TATDN1: variants seen among roughly 807,000 people sequenced by gnomAD.
The protein encoded by TATDN1 is deoxyribonuclease TATDN1.
Under a neutral mutation model 46.4 loss-of-function variants are expected in TATDN1, and 40 were observed. The ratio of observed to expected loss-of-function variants is 0.86; its 90% CI spans 0.67 to 1.12. The LOEUF is 1.12. Among genes scored for constraint, TATDN1 ranks in the 50% most tolerant of loss-of-function variants. The pLI, the probability that TATDN1 is intolerant of heterozygous loss-of-function variation, is 0.00. For missense variants in TATDN1, 326 were observed against 348.4 expected, an observed-to-expected ratio of 0.94 and a Z score of 0.51; for synonymous variants, 95 against 105.6, an observed-to-expected ratio of 0.90 and a Z score of 0.62.
intron 6 of TATDN1, among the ~76,000 whole-genome samples, chr8:124,514,958 T>C (rs1253152055): frequency 6.6e-6 from 1 of 152,200 alleles, no homozygotes; most frequent in Non-Finnish European, 1.5e-5. Context: ...GGGTTTTTTC[T>C]TGCTGGTTTT....
At chr8:124,516,121 A>G (rs1450306190) in intron 4 of TATDN1, 91 bp from the exon 5 acceptor site, 42 of 1,155,080 alleles carry the variant, frequency 3.6e-5, no homozygotes, top group Non-Finnish European at 4.7e-5. Context: ...AGTAATTTCA[A>G]CTGGTTTTCA....
Position 124,493,859 on chromosome 8 carries a change from T to C in TATDN1, c.765A>G (p.Lys255=). ...TTATATGGCAGGGTTCATTTCTGTCTTTTAAGCAGTGCCCACTTTCCCACT... is the reference window on the plus strand; with the variant it reads ...TTATATGGCAGGGTTCATTTCTGTCCTTTAAGCAGTGCCCACTTTCCCACT... ...KKKWESGHCL[K]DRNEPCHIIQ... Residue 255 remains lysine, a synonymous_variant, in exon 11 of 12, where the codon AAA becomes AAG. Coordinates refer to ENST00000276692, the MANE Select transcript of TATDN1 (RefSeq NM_032026.4). The C allele has an allele frequency of 6.2e-7, 1 of 1,610,742 alleles. No homozygotes were observed. Among genetic ancestry groups the C allele is most frequent in the Middle Eastern group, 2.2e-4 (1 of 4,550 alleles).
chr8:124,527,782 G>A (rs1820627792), intron 1 of TATDN1, among the ~76,000 whole-genome samples: 1 of 151,456 alleles, frequency 6.6e-6, no homozygotes, highest in African/African-American at 2.4e-5. Context: ...CATTGCCAGG[G>A]TGGTGTGGCT....
chr8:124,529,947 T>C (rs1432110926), intron 1 of TATDN1, among the ~76,000 whole-genome samples: 2 of 151,930 alleles, frequency 1.3e-5, no homozygotes, highest in Non-Finnish European at 2.9e-5. Context: ...CAAAAATTAG[T>C]TGGGCATGGT....
At chr8:124,510,770 G>A (rs1818939247) in intron 6 of TATDN1, among the ~76,000 whole-genome samples, 1 of 152,128 alleles carries the variant, frequency 6.6e-6, no homozygotes, top group South Asian at 2.1e-4. Context: ...GCTGCGGTGA[G>A]CCATGATCAC....
At chr8:124,492,061 G>T (rs944680137) in intron 11 of TATDN1, among the ~76,000 whole-genome samples, 2 of 149,412 alleles carry the variant, frequency 1.3e-5, no homozygotes, top group Admixed American at 1.3e-4. Context: ...TGCAACCTCC[G>T]CCTCCCAGGT....
At chr8:124,534,090 G>A (rs1220836736) in intron 1 of TATDN1, among the ~76,000 whole-genome samples, 2 of 131,588 alleles carry the variant, frequency 1.5e-5, no homozygotes, top group Non-Finnish European at 3.1e-5. Flanking sequence ...AGCTTGCAGT[G>A]AGCCCAGACT....
intron 4 of TATDN1, among the ~76,000 whole-genome samples, chr8:124,517,893 C>T (rs957424238): frequency 6.6e-6 from 1 of 152,086 alleles, no homozygotes; most frequent in African/African-American, 2.4e-5. Context: ...CACGTTAAAA[C>T]ACACACATGA....
At chr8:124,503,882 A>G in intron 9 of TATDN1, 2 of 1,287,458 alleles carry the variant, frequency 1.6e-6, no homozygotes, top group Non-Finnish European at 2.0e-6. Context: ...TTGACTGCAG[A>G]GATGTATGAC....
At chr8:124,491,973 T>C (rs1817034462) in intron 11 of TATDN1, among the ~76,000 whole-genome samples, 1 of 146,018 alleles carries the variant, frequency 6.8e-6, no homozygotes, top group Non-Finnish European at 1.5e-5. Context: ...GCCTTCACAG[T>C]TCTTTTTTTT....
intron 1 of TATDN1, chr8:124,538,358 T>A (rs549220008): frequency 6.5e-6 from 1 of 153,360 alleles, no homozygotes; most frequent in South Asian, 2.0e-4. Context: ...GTGATCACTG[T>A]CATTTCCCAC....
At chr8:124,499,957 G>A (rs965072339) in intron 9 of TATDN1, among the ~76,000 whole-genome samples, 1 of 151,572 alleles carries the variant, frequency 6.6e-6, no homozygotes, top group East Asian at 1.9e-4. Context: ...CGATTCTCCT[G>A]CCTCAGCCTC....
intron 3 of TATDN1, among the ~76,000 whole-genome samples, chr8:124,520,552 C>T (rs1018985756): frequency 6.6e-6 from 1 of 151,888 alleles, no homozygotes; most frequent in Non-Finnish European, 1.5e-5. Flanking sequence ...ACGTAAAATA[C>T]TAACCAAGTA....
intron 4 of TATDN1, among the ~76,000 whole-genome samples, chr8:124,516,234 T>G (rs1325038784): frequency 1.3e-5 from 2 of 152,172 alleles, no homozygotes; most frequent in Non-Finnish European, 2.9e-5. Context: ...TGAAAATTGC[T>G]TTAATGTATT....
chr8:124,519,228 GTTGA>G (rs1321398019), intron 3 of TATDN1, among the ~76,000 whole-genome samples: 7 of 152,208 alleles, frequency 4.6e-5, no homozygotes, highest in African/African-American at 1.7e-4. Flanking sequence ...ATTCAATAGT[GTTGA>G]TTGATTCAAC....
intron 6 of TATDN1, among the ~76,000 whole-genome samples, chr8:124,514,675 G>A (rs1462610948): frequency 6.6e-6 from 1 of 152,156 alleles, no homozygotes; most frequent in Admixed American, 6.5e-5. Context: ...TCAACAAAAT[G>A]CTTACGTTTT....
intron 9 of TATDN1, 94 bp from the exon 10 acceptor site, chr8:124,495,636 C>A: frequency 2.2e-6 from 2 of 906,964 alleles, no homozygotes; most frequent in South Asian, 1.6e-5. Flanking sequence ...AAAACCAACC[C>A]AAAACCCTAT....
chr8:124,507,854 A>G lies in TATDN1; in HGVS notation c.516+620T>C, dbSNP rs1167276096. Reference sequence around the variant, plus strand: ...TTTCACAGGGTTTTCTTGTGAATGGAATTCTGTACGCATTCTTGTACTTTG... The same window carrying G: ...TTTCACAGGGTTTTCTTGTGAATGGGATTCTGTACGCATTCTTGTACTTTG... On this transcript the variant is annotated intron_variant, in intron 8 of 11. Transcript: ENST00000276692. 2.6e-5 allele frequency among the ~76,000 whole-genome samples: 4 copies of G among 152,026 alleles called. No homozygotes were observed. In the East Asian group the frequency reaches 7.7e-4, roughly 29 times the overall value.
At chr8:124,524,818 A>G (rs1281643646) in intron 1 of TATDN1, among the ~76,000 whole-genome samples, 4 of 152,184 alleles carry the variant, frequency 2.6e-5, no homozygotes, top group Admixed American at 2.6e-4. Context: ...ATCAAAGGTG[A>G]GGGAAGATTC....
Sources: gnomAD v4.1 joint callset for allele counts (sites outside exome capture counted in the v4.1 genomes callset) on GRCh38, gnomAD v4.1.1 for gene constraint, MANE v1.5 for transcripts, NCBI Gene and HGNC (gene_info 2026-07-23, HGNC 2026-07-21) for gene names.